PHACTR2: variants seen among roughly 807,000 people sequenced by gnomAD.
PHACTR2 encodes the protein chromosome 6 open reading frame 56.
PHACTR2 carries 30 observed loss-of-function variants against 76.0 expected under a neutral mutation model. The observed-to-expected ratio is 0.39, with a 90% confidence interval of 0.30 to 0.54. PHACTR2 has a LOEUF of 0.54. PHACTR2 is among the 20% of genes least tolerant of loss of function. PHACTR2 has a pLI of 0.61. For missense variants in PHACTR2, 696 were observed against 781.1 expected, an observed-to-expected ratio of 0.89 and a Z score of 1.30; for synonymous variants, 292 against 292.5, an observed-to-expected ratio of 1.00 and a Z score of 0.02.
In PHACTR2 at chr6:143,695,801, G is replaced by A. The variant is rs1777757845; in HGVS notation, c.47-16215G>A. 6.6e-6 allele frequency among the ~76,000 whole-genome samples: 1 copy of A among 152,136 alleles called. No homozygotes were observed. Among genetic ancestry groups the A allele is most frequent in the African/African-American group, 2.4e-5 (1 of 41,430 alleles). On this transcript the variant is annotated intron_variant, in intron 1 of 12. Coordinates refer to ENST00000440869, the MANE Select transcript of PHACTR2 (RefSeq NM_001100164.2). This position sits in a 1 kb window ranked among gnomAD's most constrained non-coding sequence, Gnocchi z 4.4. Reference sequence around the variant, plus strand: ...AAAACAGATCTTTCTTTTCTCTTTAGATTGTGACATTAGGCACATGTGGAA... The same window carrying A: ...AAAACAGATCTTTCTTTTCTCTTTAAATTGTGACATTAGGCACATGTGGAA...
intron 1 of PHACTR2, among the ~76,000 whole-genome samples, chr6:143,705,458 C>A (rs1284924689): frequency 1.3e-5 from 2 of 151,994 alleles, no homozygotes; most frequent in African/African-American, 4.8e-5. Context: ...CTGCGCCCAG[C>A]CAATTTTTTG....
rs1317069622 is a variant in PHACTR2 at position 143,648,744 on chromosome 6, A to G, written c.13+40422A>G. On this transcript the variant is annotated intron_variant, in intron 1 of 11. Transcript: ENST00000305766. This position sits in a 1 kb window ranked among gnomAD's most constrained non-coding sequence, Gnocchi z 6.7. ...CCTACAACTGCTTCTCCTCCCCAGG[A>G]TGTGCACGTGTGTGTGTCTCTGTGT... Among the ~76,000 whole-genome samples the G allele has an allele frequency of 2.6e-5, 4 of 151,650 alleles. No individual in the cohort carries two copies. Among genetic ancestry groups the G allele is most frequent in the Non-Finnish European group, 5.9e-5 (4 of 67,908 alleles).
Position 143,641,779 on chromosome 6 carries a change from T to G in PHACTR2, c.13+33457T>G, listed in dbSNP as rs538253704. Among the ~76,000 whole-genome samples the G allele has an allele frequency of 2.0e-5, 3 of 152,264 alleles. No individual in the cohort carries two copies. The South Asian group carries it at 6.2e-4, about 32-fold the overall frequency. Reference sequence around the variant, plus strand: ...CCTCAGCCTCCGAAAGTGCTGGGATTACAGGTATGAGCCACCGCACCCAGC... The same window carrying G: ...CCTCAGCCTCCGAAAGTGCTGGGATGACAGGTATGAGCCACCGCACCCAGC... On this transcript the variant is annotated intron_variant, in intron 1 of 11. Transcript: ENST00000305766. The surrounding 1 kb of genome is among the most constrained non-coding windows in gnomAD (Gnocchi z 5.8).
intron 1 of PHACTR2, among the ~76,000 whole-genome samples, chr6:143,640,307 A>T (rs1424853096): frequency 6.6e-6 from 1 of 152,204 alleles, no homozygotes; most frequent in East Asian, 1.9e-4. Flanking sequence ...TCACTGTAAA[A>T]CAGCCTCAGT....
chr6:143,548,694 C>A lies in PHACTR2; in HGVS notation c.217+11487C>A, dbSNP rs1419298210. 2.0e-5 allele frequency among the ~76,000 whole-genome samples: 3 copies of A among 152,010 alleles called. No individual in the cohort carries two copies. In the East Asian group the frequency reaches 5.8e-4, roughly 29 times the overall value. On this transcript the variant is annotated intron_variant, in intron 1 of 11. Transcript: ENST00000367584. The surrounding 1 kb of genome is among the most constrained non-coding windows in gnomAD (Gnocchi z 4.5). Reference sequence around the variant, plus strand: ...GAAAACACAACAAAAGCATTCATTACCTCCTTGTACCTGGGGCCCGGGGAG... The same window carrying A: ...GAAAACACAACAAAAGCATTCATTAACTCCTTGTACCTGGGGCCCGGGGAG...
rs1470420572 is a variant in PHACTR2 at position 143,818,786 on chromosome 6, C to T, written c.1923-4888C>T. 6.6e-6 allele frequency among the ~76,000 whole-genome samples: 1 copy of T among 152,180 alleles called. No individual in the cohort carries two copies. Among genetic ancestry groups the T allele is most frequent in the Non-Finnish European group, 1.5e-5 (1 of 68,034 alleles). On this transcript the variant is annotated intron_variant, in intron 12 of 12. Coordinates refer to ENST00000440869, the MANE Select transcript of PHACTR2 (RefSeq NM_001100164.2). This position sits in a 1 kb window ranked among gnomAD's most constrained non-coding sequence, Gnocchi z 4.9. ...CCACTCGCCTGATTCAATTACCTCC[C>T]ACCAGGTCCCTCCCACAACATGTGG... is the stretch of plus-strand genomic sequence containing the variant.
rs979290063 is a variant in PHACTR2, at chr6:143,625,798, T to C, written c.13+17476T>C. Among the ~76,000 whole-genome samples the C allele has an allele frequency of 6.6e-6, 1 of 152,210 alleles. No homozygotes were observed. The highest frequency in any genetic ancestry group is 2.4e-5 in the African/African-American group (1 of 41,446). ...AGTCCCTGCTCCCATGGAGCTTACA[T>C]TCTATTGAAGCCAACAGACAGTGAC... On this transcript the variant is annotated intron_variant, in intron 1 of 11. Transcript: ENST00000305766. The surrounding 1 kb of genome is among the most constrained non-coding windows in gnomAD (Gnocchi z 4.3).
chr6:143,631,446 G>A (rs980290519), intron 1 of PHACTR2, among the ~76,000 whole-genome samples: 3 of 151,970 alleles, frequency 2.0e-5, no homozygotes, highest in Non-Finnish European at 2.9e-5. Context: ...CTCCTTCCTC[G>A]GCCTCCTAAA....
chr6:143,666,580 T>G (rs1003121253), intron 1 of PHACTR2, among the ~76,000 whole-genome samples: 1 of 152,236 alleles, frequency 6.6e-6, no homozygotes, highest in Non-Finnish European at 1.5e-5. Context: ...CTAACTGGCA[T>G]GAGATAGTTT....
At chr6:143,771,190 G>A (rs9403531) in intron 6 of PHACTR2, among the ~76,000 whole-genome samples, 419 of 22,390 alleles carry the variant, frequency 0.019, 19 homozygotes, top group African/African-American at 0.094. Flanking sequence ...ATATATATAT[G>A]TGTGTATATA....
At position 143,629,981 on chromosome 6, in the gene PHACTR2, C is replaced by T. The variant is rs76963626; in HGVS notation, c.13+21659C>T. Among the ~76,000 whole-genome samples, 264 of 152,124 alleles carry T rather than the reference C, an allele frequency of 1.7e-3. 4 individuals carry two copies. Among genetic ancestry groups the T allele is most frequent in the African/African-American group, 5.8e-3 (239 of 41,518 alleles). ...AAGCTGCCCTCTGAAAAGCAATCAA[C>T]AGTATTACAGCTCTTCTGTTTTCAT... On this transcript the variant is annotated intron_variant, in intron 1 of 11. Coordinates refer to the PHACTR2 transcript ENST00000305766.
chr6:143,804,562 C>T (rs1239269346), intron 11 of PHACTR2, among the ~76,000 whole-genome samples: 1 of 152,172 alleles, frequency 6.6e-6, no homozygotes, highest in African/African-American at 2.4e-5. Context: ...AAATAGTAAA[C>T]TGTCTCTCTT....
In PHACTR2 at chr6:143,697,472, T is replaced by A. The variant is rs1460189321; in HGVS notation, c.47-14544T>A. 6.6e-6 allele frequency among the ~76,000 whole-genome samples: 1 copy of A among 152,188 alleles called. No homozygotes were observed. The highest frequency in any genetic ancestry group is 1.5e-5 in the Non-Finnish European group (1 of 68,026). On this transcript the variant is annotated intron_variant, in intron 1 of 12. Coordinates refer to ENST00000440869, the MANE Select transcript of PHACTR2 (RefSeq NM_001100164.2). This position sits in a 1 kb window ranked among gnomAD's most constrained non-coding sequence, Gnocchi z 4.4. ...TTAAAAGACAATTTCACATATAAAT[T>A]ATTCCAGCTGTTTTTCAATTATTTG...
intron 2 of PHACTR2, among the ~76,000 whole-genome samples, chr6:143,718,657 CA>C (rs1039336509): frequency 1.3e-5 from 2 of 152,158 alleles, no homozygotes; most frequent in African/African-American, 4.8e-5. Flanking sequence ...TGGCAAGGAT[CA>C]AAGTTATGTT....
rs1434775571 is a variant in PHACTR2 at position 143,767,756 on chromosome 6, G to A, written c.1232+1958G>A. 6.6e-6 allele frequency among the ~76,000 whole-genome samples: 1 copy of A among 152,270 alleles called. No homozygotes were observed. Among genetic ancestry groups the A allele is most frequent in the East Asian group, 1.9e-4 (1 of 5,186 alleles). ...GAAAATGGCATTAATCTATTCACGA[G>A]GGCAGAGCCTTCATGACTTAAACAC... On this transcript the variant is annotated intron_variant, in intron 6 of 12. Coordinates refer to ENST00000440869, the MANE Select transcript of PHACTR2 (RefSeq NM_001100164.2). This position sits in a 1 kb window ranked among gnomAD's most constrained non-coding sequence, Gnocchi z 4.4.
At chr6:143,699,354 A>G (rs201574458) in intron 1 of PHACTR2, among the ~76,000 whole-genome samples, 6 of 152,068 alleles carry the variant, frequency 3.9e-5, no homozygotes, top group Non-Finnish European at 8.8e-5. Flanking sequence ...TGTCCTTCAC[A>G]CTTTATGAAC....
chr6:143,760,441 T>C lies in PHACTR2; in HGVS notation c.495T>C (p.Ala165=). The change falls in exon 5 of 13, where the codon GCT becomes GCC. Residue 165 remains alanine (A), a synonymous_variant. Coordinates refer to ENST00000440869, the MANE Select transcript of PHACTR2 (RefSeq NM_001100164.2). This position sits in a 1 kb window ranked among gnomAD's most constrained non-coding sequence, Gnocchi z 6.4. The part of the protein sequence containing the change: ...ENHSETPAAP[A]LPPSAPPKPR... ...ACTCTGAAACACCGGCAGCTCCTGC[T>C]CTACCTCCTTCTGCTCCTCCTAAGC... The C allele has an allele frequency of 6.2e-7, 1 of 1,613,546 alleles. No individual in the cohort carries two copies. The highest frequency in any genetic ancestry group is 8.5e-7 in the Non-Finnish European group (1 of 1,179,614).
At chr6:143,612,688 CTTTA>C (rs937391541) in intron 1 of PHACTR2, among the ~76,000 whole-genome samples, 4 of 152,008 alleles carry the variant, frequency 2.6e-5, no homozygotes, top group African/African-American at 7.3e-5. Flanking sequence ...TGTGTGGATT[CTTTA>C]TTTAGGGGAT....
At chr6:143,568,260 T>C (rs1416205) in intron 1 of PHACTR2, among the ~76,000 whole-genome samples, 93,241 of 152,064 alleles carry the variant, frequency 0.61, 28,930 homozygotes, top group Middle Eastern at 0.72. Flanking sequence ...AGTTTTCTCC[T>C]CCATGAAATG....
Sources: gnomAD v4.1 joint callset for allele counts (sites outside exome capture counted in the v4.1 genomes callset) on GRCh38, gnomAD v4.1.1 for gene constraint, Gnocchi (gnomAD v3.1) non-coding constraint, MANE v1.5 for transcripts, NCBI Gene and HGNC (gene_info 2026-07-23, HGNC 2026-07-21) for gene names.